Variants in CTNND2 observed in about 807,000 individuals in gnomAD.
CTNND2 encodes the protein catenin delta 2, also known as catenin delta-2.
CTNND2 carries 22 observed loss-of-function variants against 144.4 expected under a neutral mutation model. The ratio of observed to expected loss-of-function variants is 0.15; its 90% CI spans 0.11 to 0.22. CTNND2 has a LOEUF of 0.22. Among genes scored for constraint, CTNND2 ranks in the 10% least tolerant of loss-of-function variants. The pLI, the probability that CTNND2 is intolerant of heterozygous loss-of-function variation, is 1.00. For missense variants in CTNND2, 1,353 were observed against 1,618.8 expected (o/e 0.84, Z 2.82); for synonymous variants, 751 against 695.6 (o/e 1.08, Z -1.25).
intron 3 of CTNND2, 109 bp from the exon 4 acceptor site, chr5:11,412,178 C>A: frequency 1.4e-6 from 1 of 711,132 alleles, no homozygotes; most frequent in Non-Finnish European, 2.5e-6. Flanking sequence ...GGCCCCGTTG[C>A]ATTTCCTTTC....
At chr5:11,597,124 G>A (rs1001615576) in intron 2 of CTNND2, among the ~76,000 whole-genome samples, 9 of 152,160 alleles carry the variant, frequency 5.9e-5, no homozygotes, top group African/African-American at 9.7e-5. Context: ...AACAGGCTCC[G>A]TGACTTATCA....
At chr5:11,738,445 C>T (rs1787821137) in intron 1 of CTNND2, among the ~76,000 whole-genome samples, 1 of 152,076 alleles carries the variant, frequency 6.6e-6, no homozygotes, top group Non-Finnish European at 1.5e-5. Context: ...CTTTTCTTTC[C>T]CAAATAGGAG....
At chr5:11,071,572 C>T (rs1226931313) in intron 16 of CTNND2, among the ~76,000 whole-genome samples, 8 of 121,096 alleles carry the variant, frequency 6.6e-5, no homozygotes, top group Admixed American at 4.0e-4. Flanking sequence ...TTTCAAAAAA[C>T]GAAAAAAAAA....
chr5:11,509,504 G>T (rs766883610), intron 3 of CTNND2, among the ~76,000 whole-genome samples: 131 of 152,278 alleles, frequency 8.6e-4, no homozygotes, highest in Non-Finnish European at 1.1e-3. Flanking sequence ...AAAAAGGAAA[G>T]TAGGAGGGTT....
intron 16 of CTNND2, among the ~76,000 whole-genome samples, chr5:11,039,827 C>T (rs181503111): frequency 3.3e-5 from 5 of 152,040 alleles, no homozygotes; most frequent in South Asian, 2.1e-4. Context: ...TTTGGGAGGC[C>T]GAGGCTGGTA....
intron 16 of CTNND2, among the ~76,000 whole-genome samples, chr5:11,052,931 T>C (rs915349566): frequency 6.6e-6 from 1 of 152,194 alleles, no homozygotes; most frequent in South Asian, 2.1e-4. Context: ...TGCTTTTTTT[T>C]CCCCATGAGT....
intron 1 of CTNND2, among the ~76,000 whole-genome samples, chr5:11,804,854 G>C (rs143408925): frequency 1.9e-3 from 287 of 152,222 alleles, no homozygotes; most frequent in African/African-American, 6.4e-3. Flanking sequence ...AAAACATTTA[G>C]GATAGCAAGG....
intron 11 of CTNND2, among the ~76,000 whole-genome samples, chr5:11,173,544 G>A (rs1760158202): frequency 6.6e-6 from 1 of 152,198 alleles, no homozygotes; most frequent in African/African-American, 2.4e-5. Flanking sequence ...GACCTCAGAG[G>A]CCACTATAAG....
intron 9 of CTNND2, among the ~76,000 whole-genome samples, chr5:11,317,945 T>C (rs1299852078): frequency 1.3e-5 from 2 of 152,214 alleles, no homozygotes; most frequent in Non-Finnish European, 2.9e-5. Context: ...TGGATTTTTA[T>C]GCTTCTTTGT....
intron 2 of CTNND2, among the ~76,000 whole-genome samples, chr5:11,611,692 C>T (rs770286079): frequency 9.2e-5 from 14 of 152,160 alleles, no homozygotes; most frequent in Non-Finnish European, 1.5e-4. Context: ...GCAGGAGAAT[C>T]GCTGGAACCC....
chr5:11,903,929 T>A lies in CTNND2; in HGVS notation c.-76A>T, dbSNP rs1381062317. ...GCCGCCCGGCTTCAGGGCAAGGTCC[T>A]GACCTTGCCCAACTGCAGCATCTTC... On this transcript the variant is annotated 5_prime_UTR_variant, in exon 1 of 22. Transcript: ENST00000304623. The surrounding 1 kb of genome is among the most constrained non-coding windows in gnomAD (Gnocchi z 5.4). The A allele has an allele frequency of 7.5e-7, 1 of 1,336,218 alleles. No individual in the cohort carries two copies. Among genetic ancestry groups the A allele is most frequent in the East Asian group, 3.2e-5 (1 of 31,492 alleles). 82.8% of individuals were successfully genotyped at this position (1,336,218 alleles called of 1,614,324 possible).
intron 1 of CTNND2, among the ~76,000 whole-genome samples, chr5:11,866,743 A>G (rs1176771703): frequency 1.3e-5 from 2 of 152,248 alleles, no homozygotes; most frequent in Non-Finnish European, 2.9e-5. Context: ...ATAACAAACT[A>G]CACTACTGCT....
chr5:11,338,211 C>T (rs1580948630), intron 9 of CTNND2, among the ~76,000 whole-genome samples: 1 of 152,170 alleles, frequency 6.6e-6, no homozygotes, highest in African/African-American at 2.4e-5. Flanking sequence ...GTCGCTTTAG[C>T]TGCTATATGT....
chr5:11,155,787 G>T (rs1162275019), intron 12 of CTNND2, among the ~76,000 whole-genome samples: 1 of 152,050 alleles, frequency 6.6e-6, no homozygotes, highest in East Asian at 1.9e-4. Flanking sequence ...AGATAGATCT[G>T]CTTTTTAAAA....
At chr5:11,483,088 C>A (rs1417033143) in intron 3 of CTNND2, among the ~76,000 whole-genome samples, 1 of 152,018 alleles carries the variant, frequency 6.6e-6, no homozygotes, top group Non-Finnish European at 1.5e-5. Flanking sequence ...TTGCTCCTAT[C>A]AAAGGCAGAA....
chr5:11,545,423 G>C (rs998011028), intron 3 of CTNND2, among the ~76,000 whole-genome samples: 2 of 151,902 alleles, frequency 1.3e-5, no homozygotes, highest in Admixed American at 6.6e-5. Flanking sequence ...TGTAATCCCG[G>C]AATTTTGGGA....
At chr5:11,088,788 A>G (rs1750448888) in intron 15 of CTNND2, among the ~76,000 whole-genome samples, 1 of 152,156 alleles carries the variant, frequency 6.6e-6, no homozygotes. Flanking sequence ...AGTGTGTTTT[A>G]TTTTCTAATA....
intron 16 of CTNND2, among the ~76,000 whole-genome samples, chr5:11,030,754 GTTTTTTTT>G (rs61312361): frequency 9.9e-6 from 1 of 100,770 alleles, no homozygotes; most frequent in Non-Finnish European, 2.0e-5. Context: ...TATGGTTTCT[GTTTTTTTT>G]TTTTTTTTTT....
intron 2 of CTNND2, among the ~76,000 whole-genome samples, chr5:11,576,562 A>G (rs1777986773): frequency 6.6e-6 from 1 of 152,098 alleles, no homozygotes; most frequent in African/African-American, 2.4e-5. Context: ...CTGACTTTTC[A>G]GAAAAGCATC....
Sources: gnomAD v4.1 joint callset for allele counts (sites outside exome capture counted in the v4.1 genomes callset) on GRCh38, gnomAD v4.1.1 for gene constraint, Gnocchi (gnomAD v3.1) non-coding constraint, MANE v1.5 for transcripts, NCBI Gene and HGNC (gene_info 2026-07-23, HGNC 2026-07-21) for gene names.